LTBP1: variants seen among roughly 807,000 people sequenced by gnomAD.
LTBP1 encodes the protein latent transforming growth factor beta binding protein 1.
A neutral mutation model predicts 207.6 loss-of-function variants in LTBP1; 129 were observed. The ratio of observed to expected loss-of-function variants is 0.62; its 90% CI spans 0.54 to 0.72. The LOEUF (loss-of-function observed/expected upper bound fraction) is 0.72. Ranked by LOEUF, LTBP1 falls within the 30% of genes least tolerant of loss-of-function variation. The pLI is 0.00. For missense variants in LTBP1, 2,281 were observed against 2,217.2 expected, an observed-to-expected ratio of 1.03 and a Z score of -0.58; for synonymous variants, 963 against 833.7, an observed-to-expected ratio of 1.16 and a Z score of -2.67.
intron 8 of LTBP1, 63 bp downstream of exon 8, chr2:33,217,717 C>T (rs1263533010): frequency 3.6e-6 from 4 of 1,116,752 alleles, no homozygotes; most frequent in South Asian, 2.6e-5. Flanking sequence ...TATGATTACT[C>T]CTTTAATGAT....
intron 4 of LTBP1, among the ~76,000 whole-genome samples, chr2:33,126,331 G>C (rs1007527788): frequency 1.3e-5 from 2 of 152,128 alleles, no homozygotes; most frequent in African/African-American, 4.8e-5. Context: ...GCCTCCCAAA[G>C]TGCAGGGATT....
rs146018366 is a variant in LTBP1, at chr2:33,081,402, C to T, written c.864-29180C>T. The stretch of plus-strand genomic sequence containing the variant: ...ATGTGCCCACATGTATGGACACACA[C>T]GAGCATACACACATGCACACACACA... On this transcript the variant is annotated intron_variant, in intron 3 of 33. Coordinates refer to ENST00000404816, the MANE Select transcript of LTBP1 (RefSeq NM_206943.4). Among the ~76,000 whole-genome samples, 21 of 152,070 alleles carry T rather than the reference C, an allele frequency of 1.4e-4. No homozygotes were observed. In the East Asian group the frequency reaches 2.7e-3, roughly 20 times the overall value.
intron 9 of LTBP1, among the ~76,000 whole-genome samples, chr2:33,231,114 G>C (rs1029032502): frequency 2.6e-5 from 4 of 152,168 alleles, no homozygotes; most frequent in African/African-American, 9.7e-5. Context: ...CCTGCCCTTA[G>C]AATTTAGTGT....
chr2:33,339,117 C>T (rs547782522), intron 24 of LTBP1, among the ~76,000 whole-genome samples: 101 of 151,510 alleles, frequency 6.7e-4, no homozygotes, highest in Non-Finnish European at 9.7e-4. Flanking sequence ...ATAGTAAAGA[C>T]GGCATGACAG....
intron 3 of LTBP1, among the ~76,000 whole-genome samples, chr2:33,078,606 T>C (rs577289371): frequency 6.6e-6 from 1 of 152,302 alleles, no homozygotes; most frequent in South Asian, 2.1e-4. Context: ...ATAAGAAGCA[T>C]ACAATAGGAG....
At chr2:33,203,834 T>G (rs2089590794) in intron 7 of LTBP1, among the ~76,000 whole-genome samples, 1 of 152,104 alleles carries the variant, frequency 6.6e-6, no homozygotes, top group South Asian at 2.1e-4. Context: ...ATTGGCAAAG[T>G]GGTAAGATTT....
chr2:33,397,335 T>C, intron 33 of LTBP1, 53 bp downstream of exon 33: 1 of 1,590,916 alleles, frequency 6.3e-7, no homozygotes. Flanking sequence ...ACACCCCGTA[T>C]CTCAGTCAGT....
chr2:33,288,854 C>CAAAAAA (rs200975631), intron 19 of LTBP1, among the ~76,000 whole-genome samples: 1 of 73,072 alleles, frequency 1.4e-5, no homozygotes, highest in African/African-American at 5.4e-5. Context: ...GACTCTGTCT[C>CAAAAAA]AAAAAAAAAA....
chr2:32,990,915 G>A (rs745645546), intron 2 of LTBP1, among the ~76,000 whole-genome samples: 1 of 152,138 alleles, frequency 6.6e-6, no homozygotes, highest in Non-Finnish European at 1.5e-5. Context: ...CTCTGGACAA[G>A]CATGTGGCAT....
chr2:33,039,497 A>G (rs572560451), intron 3 of LTBP1, among the ~76,000 whole-genome samples: 5 of 152,286 alleles, frequency 3.3e-5, no homozygotes, highest in African/African-American at 1.2e-4. Flanking sequence ...CTTTAGACTC[A>G]TCCCTTGCAG....
intron 3 of LTBP1, among the ~76,000 whole-genome samples, chr2:33,029,713 A>G (rs910457103): frequency 3.9e-5 from 6 of 152,218 alleles, no homozygotes; most frequent in African/African-American, 7.2e-5. Flanking sequence ...CATCGTTTAC[A>G]TGTCAGTGTC....
At chr2:32,984,766 CA>C (rs35404252) in intron 2 of LTBP1, among the ~76,000 whole-genome samples, 63,064 of 143,116 alleles carry the variant, frequency 0.44, 15,104 homozygotes, top group East Asian at 0.69. Flanking sequence ...ACTAAAAATA[CA>C]AAAAAAAAAA....
chr2:33,062,910 A>G (rs967995474), intron 3 of LTBP1: 5 of 152,226 alleles, frequency 3.3e-5, no homozygotes, highest in African/African-American at 1.2e-4. Flanking sequence ...CAGAATTTAA[A>G]TCATGAATTC....
At chr2:33,030,389 C>T (rs1410707407) in intron 3 of LTBP1, among the ~76,000 whole-genome samples, 1 of 152,194 alleles carries the variant, frequency 6.6e-6, no homozygotes, top group East Asian at 1.9e-4. Flanking sequence ...TTTTCTCTCC[C>T]TCTCCATTCC....
At chr2:33,390,906 C>T (rs2095309403) in intron 32 of LTBP1, among the ~76,000 whole-genome samples, 1 of 152,128 alleles carries the variant, frequency 6.6e-6, no homozygotes, top group South Asian at 2.1e-4. Context: ...CACGAAGCGT[C>T]CTAGCCAGGA....
At chr2:33,115,429 T>C (rs1198918273) in intron 4 of LTBP1, among the ~76,000 whole-genome samples, 2 of 152,348 alleles carry the variant, frequency 1.3e-5, no homozygotes, top group East Asian at 3.9e-4. Context: ...GTGGTCATGC[T>C]GGTTGCACAA....
chr2:33,203,430 T>C (rs1371674743), intron 7 of LTBP1, among the ~76,000 whole-genome samples: 5 of 152,218 alleles, frequency 3.3e-5, no homozygotes, highest in East Asian at 3.9e-4. Flanking sequence ...AATCAAAATA[T>C]AGATTCTTAG....
At chr2:33,196,540 A>AT (rs1464409939) in intron 7 of LTBP1, among the ~76,000 whole-genome samples, 15 of 152,250 alleles carry the variant, frequency 9.9e-5, no homozygotes, top group African/African-American at 3.6e-4. Flanking sequence ...TTGAAAAAAA[A>AT]GGAGATGACT....
At chr2:33,118,950 G>A (rs1175447950) in intron 4 of LTBP1, among the ~76,000 whole-genome samples, 1 of 152,136 alleles carries the variant, frequency 6.6e-6, no homozygotes, top group East Asian at 1.9e-4. Context: ...AACTTACCCA[G>A]CAATATGAAA....
Sources: gnomAD v4.1 joint callset for allele counts (sites outside exome capture counted in the v4.1 genomes callset) on GRCh38, gnomAD v4.1.1 for gene constraint, MANE v1.5 for transcripts, NCBI Gene and HGNC (gene_info 2026-07-23, HGNC 2026-07-21) for gene names.